CTNNA3: variants seen among roughly 807,000 people sequenced by gnomAD.
CTNNA3 encodes catenin alpha 3, also known as catenin alpha-3.
A neutral mutation model predicts 95.7 loss-of-function variants in CTNNA3; 76 were observed. The ratio of observed to expected loss-of-function variants is 0.79; its 90% CI spans 0.66 to 0.96. CTNNA3 has a LOEUF of 0.96. Ranked by LOEUF, CTNNA3 falls within the 40% of genes least tolerant of loss-of-function variation. CTNNA3 has a pLI of 0.00. For missense variants in CTNNA3, 1,191 were observed against 1,089.8 expected (o/e 1.09, Z -1.31); for synonymous variants, 431 against 374.4 (o/e 1.15, Z -1.74).
intron 6 of CTNNA3, among the ~76,000 whole-genome samples, chr10:67,186,701 T>C (rs1273379902): frequency 2.6e-5 from 4 of 152,236 alleles, no homozygotes; most frequent in Admixed American, 2.6e-4. Flanking sequence ...GTGTGTTTCA[T>C]GGCATTAATC....
intron 12 of CTNNA3, among the ~76,000 whole-genome samples, chr10:66,376,040 C>A (rs2092794615): frequency 6.6e-6 from 1 of 152,126 alleles, no homozygotes; most frequent in South Asian, 2.1e-4. Context: ...GCCTGGCAAA[C>A]AGTAAAACTA....
intron 12 of CTNNA3, among the ~76,000 whole-genome samples, chr10:66,331,338 G>GCTTGCTTTTTTTTTTTTTTTTTTTTTTTT (rs1417713676): frequency 5.1e-5 from 2 of 39,116 alleles, no homozygotes; most frequent in Admixed American, 3.2e-4. Flanking sequence ...TTTCCCCATT[G>GCTTGCTTTTTTTTTTTTTTTTTTTTTTTT]TTTGTTTTTT....
At chr10:67,468,346 T>A (rs1564670899) in intron 5 of CTNNA3, among the ~76,000 whole-genome samples, 1 of 151,524 alleles carries the variant, frequency 6.6e-6, no homozygotes, top group Admixed American at 6.6e-5. Context: ...TTGAGCAGCA[T>A]AGCAAGACCC....
At chr10:67,351,816 G>A (rs1173473701) in intron 5 of CTNNA3, among the ~76,000 whole-genome samples, 1 of 151,904 alleles carries the variant, frequency 6.6e-6, no homozygotes, top group Non-Finnish European at 1.5e-5. Context: ...CTAACAAGAG[G>A]AAAAGTGGTG....
rs181298835 is a variant in CTNNA3, at chr10:67,181,061, T to C, written c.844-541A>G. ...TGAAAGGCTGTCTTACCCAAGGTCA[T>C]AGAGCAAATAAACAGTGACGTTCAG... On this transcript the variant is annotated intron_variant, in intron 6 of 17. Transcript: ENST00000433211. 1.5e-3 allele frequency among the ~76,000 whole-genome samples: 225 copies of C among 152,310 alleles called. 2 individuals carry two copies. The highest frequency in any genetic ancestry group is 5.2e-3 in the African/African-American group (217 of 41,580).
Position 66,451,102 on chromosome 10 carries a change from T to C in CTNNA3, c.1531+69515A>G, listed in dbSNP as rs575408801. The stretch of plus-strand genomic sequence containing the variant: ...CATACACTCACATACACTTAAAGAC[T>C]ATGCCTTCACATAGTGAAGGCAATT... On this transcript the variant is annotated intron_variant, in intron 11 of 17. Transcript: ENST00000433211. 3.9e-5 allele frequency among the ~76,000 whole-genome samples: 6 copies of C among 152,208 alleles called. No individual in the cohort carries two copies. In the East Asian group the frequency reaches 9.7e-4, roughly 25 times the overall value.
rs181527358 is a variant in CTNNA3 at position 66,100,379 on chromosome 10, G to T, written c.1977+2778C>A. The stretch of plus-strand genomic sequence containing the variant: ...GATTCCACATAGTAGTTGCTAGGGA[G>T]CCCCAATGCAGGAAGTGAATAAAAT... On this transcript the variant is annotated intron_variant, in intron 14 of 17. Coordinates refer to ENST00000433211, the MANE Select transcript of CTNNA3 (RefSeq NM_013266.4). Among the ~76,000 whole-genome samples the T allele has an allele frequency of 2.8e-4, 43 of 152,256 alleles. 1 individual carries two copies. The highest frequency in any genetic ancestry group is 1.0e-3 in the African/African-American group (43 of 41,558).
At chr10:67,136,413 T>C (rs1860310353) in intron 7 of CTNNA3, among the ~76,000 whole-genome samples, 1 of 152,146 alleles carries the variant, frequency 6.6e-6, no homozygotes, top group Non-Finnish European at 1.5e-5. Context: ...AATTTCTATG[T>C]AATTAGAATT....
chr10:66,238,240 A>G (rs895352429), intron 13 of CTNNA3, among the ~76,000 whole-genome samples: 4 of 152,036 alleles, frequency 2.6e-5, no homozygotes, highest in Admixed American at 1.3e-4. Flanking sequence ...GGAGAGGGGT[A>G]CATCAGGTTA....
chr10:66,375,798 C>G (rs1281817248), intron 12 of CTNNA3, among the ~76,000 whole-genome samples: 1 of 152,032 alleles, frequency 6.6e-6, no homozygotes, highest in Non-Finnish European at 1.5e-5. Context: ...TTTATTGGCT[C>G]AAAATTTCTT....
At chr10:67,147,436 T>C (rs1860899128) in intron 7 of CTNNA3, among the ~76,000 whole-genome samples, 1 of 152,216 alleles carries the variant, frequency 6.6e-6, no homozygotes, top group Non-Finnish European at 1.5e-5. Context: ...ATTCTATAAG[T>C]GTTTATCAAC....
At chr10:67,022,690 C>A (rs192983108) in intron 7 of CTNNA3, among the ~76,000 whole-genome samples, 2 of 152,256 alleles carry the variant, frequency 1.3e-5, no homozygotes, top group East Asian at 3.9e-4. Context: ...TTAATCCCAG[C>A]ATTTTGGGAG....
chr10:67,175,874 T>A (rs1337170327), intron 7 of CTNNA3, among the ~76,000 whole-genome samples: 1 of 152,146 alleles, frequency 6.6e-6, no homozygotes, highest in Non-Finnish European at 1.5e-5. Flanking sequence ...AAGATCACCA[T>A]GTAAAAATAA....
chr10:67,142,705 G>A (rs955592128), intron 7 of CTNNA3, among the ~76,000 whole-genome samples: 2 of 151,880 alleles, frequency 1.3e-5, no homozygotes, highest in African/African-American at 2.4e-5. Flanking sequence ...AGGCCGAGGC[G>A]AGTGGATCAC....
intron 5 of CTNNA3, among the ~76,000 whole-genome samples, chr10:67,333,363 A>G (rs1841871807): frequency 1.3e-5 from 2 of 152,144 alleles, no homozygotes; most frequent in Non-Finnish European, 2.9e-5. Flanking sequence ...AAATTCTGTT[A>G]TTGCTGTTAT....
intron 7 of CTNNA3, among the ~76,000 whole-genome samples, chr10:66,942,296 C>G (rs1231791229): frequency 6.6e-6 from 1 of 152,124 alleles, no homozygotes; most frequent in South Asian, 2.1e-4. Flanking sequence ...GTCCTTGACG[C>G]TTACCAATCA....
chr10:66,350,077 A>G (rs1408944340), intron 12 of CTNNA3, among the ~76,000 whole-genome samples: 2 of 152,134 alleles, frequency 1.3e-5, no homozygotes, highest in African/African-American at 4.8e-5. Flanking sequence ...GTAAAGGATT[A>G]TTCTGTGATT....
chr10:66,171,133 C>CA (rs1357151074), intron 13 of CTNNA3, among the ~76,000 whole-genome samples: 2 of 148,206 alleles, frequency 1.3e-5, no homozygotes, highest in African/African-American at 5.0e-5. Context: ...ACTCTATCTC[C>CA]AAAAAAAAGA....
At chr10:66,738,064 T>C (rs542466490) in intron 9 of CTNNA3, among the ~76,000 whole-genome samples, 1 of 152,342 alleles carries the variant, frequency 6.6e-6, no homozygotes, top group South Asian at 2.1e-4. Flanking sequence ...TAGGTCTTTT[T>C]CACCAGCTTT....
Sources: allele counts gnomAD v4.1 joint callset (sites outside exome capture counted in the v4.1 genomes callset), GRCh38; gene constraint gnomAD v4.1.1; transcripts MANE v1.5; gene names NCBI Gene and HGNC (gene_info 2026-07-23, HGNC 2026-07-21).